KCNN2: variants seen among roughly 807,000 people sequenced by gnomAD.
The protein encoded by KCNN2 is potassium calcium-activated channel subfamily N member 2, also known as small conductance calcium-activated potassium channel protein 2.
A neutral mutation model predicts 55.5 loss-of-function variants in KCNN2; 24 were observed. The ratio of observed to expected loss-of-function variants is 0.43; its 90% CI spans 0.31 to 0.61. The LOEUF (loss-of-function observed/expected upper bound fraction) is 0.61. KCNN2 is among the 20% of genes least tolerant of loss of function. The pLI is 0.08. For missense variants in KCNN2, 754 were observed against 853.6 expected (o/e 0.88, Z 1.45); for synonymous variants, 431 against 336.1 (o/e 1.28, Z -3.09).
intron 1 of KCNN2, among the ~76,000 whole-genome samples, chr5:114,145,999 A>G (rs1350697190): frequency 6.6e-6 from 1 of 152,020 alleles, no homozygotes; most frequent in Non-Finnish European, 1.5e-5. Context: ...TGTTGCATGC[A>G]TCTTCAGGAC....
chr5:114,483,277 T>C (rs1392862367), intron 5 of KCNN2, among the ~76,000 whole-genome samples: 8 of 143,266 alleles, frequency 5.6e-5, no homozygotes, highest in African/African-American at 1.8e-4. Flanking sequence ...TTCTTTCTTT[T>C]TTTTTTTTTT....
At chr5:114,269,469 C>T (rs1300780531) in intron 2 of KCNN2, among the ~76,000 whole-genome samples, 1 of 149,248 alleles carries the variant, frequency 6.7e-6, no homozygotes, top group African/African-American at 2.5e-5. Flanking sequence ...GATTAAGTCA[C>T]AGGTTTTCTC....
At chr5:114,462,496 T>C (rs1349016095) in intron 3 of KCNN2, among the ~76,000 whole-genome samples, 1 of 152,094 alleles carries the variant, frequency 6.6e-6, no homozygotes, top group East Asian at 1.9e-4. Context: ...TCCCATGATC[T>C]AGGGATGTGC....
chr5:114,145,148 A>G (rs190678302), intron 1 of KCNN2, among the ~76,000 whole-genome samples: 1,670 of 152,328 alleles, frequency 0.011, 32 homozygotes, highest in African/African-American at 0.039. Context: ...ACTTAAAAGG[A>G]AAAAAGGAGT....
intron 2 of KCNN2, among the ~76,000 whole-genome samples, chr5:114,301,294 A>G (rs1036873346): frequency 1.3e-5 from 2 of 152,128 alleles, no homozygotes; most frequent in African/African-American, 2.4e-5. Context: ...TTATCTCACT[A>G]TGTCTTGTGA....
intron 1 of KCNN2, among the ~76,000 whole-genome samples, chr5:114,078,697 G>C (rs1465493304): frequency 6.6e-6 from 1 of 152,198 alleles, no homozygotes; most frequent in Non-Finnish European, 1.5e-5. Context: ...ATAAGGCTTA[G>C]AGGAATATTT....
At chr5:114,223,524 C>G (rs1754185639) in intron 2 of KCNN2, among the ~76,000 whole-genome samples, 2 of 151,976 alleles carry the variant, frequency 1.3e-5, no homozygotes, top group African/African-American at 4.8e-5. Flanking sequence ...CAGGAGTCTC[C>G]TTGGACATGC....
At chr5:114,375,381 C>T (rs1379490872) in intron 2 of KCNN2, among the ~76,000 whole-genome samples, 1 of 151,854 alleles carries the variant, frequency 6.6e-6, no homozygotes, top group African/African-American at 2.4e-5. Flanking sequence ...TAGGTAGGTA[C>T]CCAAGCAAAG....
At chr5:114,142,770 C>A (rs952823463) in intron 1 of KCNN2, among the ~76,000 whole-genome samples, 3 of 152,172 alleles carry the variant, frequency 2.0e-5, no homozygotes, top group African/African-American at 7.2e-5. Flanking sequence ...GAATCAATAT[C>A]GTGAAAATGG....
intron 2 of KCNN2, among the ~76,000 whole-genome samples, chr5:114,275,013 T>C (rs1170485402): frequency 1.3e-5 from 2 of 152,236 alleles, no homozygotes; most frequent in African/African-American, 2.4e-5. Flanking sequence ...GTTCCACTGA[T>C]ACCTAGTTTA....
At chr5:114,099,824 A>AT (rs1177849196) in intron 1 of KCNN2, among the ~76,000 whole-genome samples, 1 of 152,034 alleles carries the variant, frequency 6.6e-6, no homozygotes, top group Non-Finnish European at 1.5e-5. Flanking sequence ...ATTGATTTAT[A>AT]TTTTTGACAT....
chr5:114,101,944 T>A (rs1751381839), intron 1 of KCNN2, among the ~76,000 whole-genome samples: 1 of 152,316 alleles, frequency 6.6e-6, no homozygotes, highest in East Asian at 1.9e-4. Context: ...TTTGTGGATA[T>A]ACCCAGTAAT....
intron 1 of KCNN2, among the ~76,000 whole-genome samples, chr5:114,146,040 C>T (rs929413135): frequency 4.6e-5 from 7 of 152,068 alleles, no homozygotes; most frequent in South Asian, 2.1e-4. Flanking sequence ...GGAATGCAAA[C>T]AGGAGGTTGA....
chr5:114,296,165 T>G (rs1193009542), intron 2 of KCNN2, among the ~76,000 whole-genome samples: 1 of 152,214 alleles, frequency 6.6e-6, no homozygotes, highest in Non-Finnish European at 1.5e-5. Flanking sequence ...TGAAAAACAT[T>G]GTTCTAAGCC....
At chr5:114,076,520 T>C (rs940901844) in intron 1 of KCNN2, among the ~76,000 whole-genome samples, 1 of 152,162 alleles carries the variant, frequency 6.6e-6, no homozygotes, top group African/African-American at 2.4e-5. Context: ...ACAAAAAACT[T>C]ATGTCACTGG....
intron 2 of KCNN2, among the ~76,000 whole-genome samples, chr5:114,401,938 C>T (rs371657864): frequency 6.6e-6 from 1 of 152,128 alleles, no homozygotes; most frequent in East Asian, 1.9e-4. Context: ...TGGTGTTAAT[C>T]TTGAATTAAA....
chr5:114,176,184 A>G (rs998280213), intron 1 of KCNN2, among the ~76,000 whole-genome samples: 1 of 152,100 alleles, frequency 6.6e-6, no homozygotes, highest in East Asian at 1.9e-4. Context: ...ATGTTCCTTA[A>G]CCACACGATG....
chr5:114,341,177 G>A (rs2150036520), intron 2 of KCNN2, among the ~76,000 whole-genome samples: 1 of 152,268 alleles, frequency 6.6e-6, no homozygotes, highest in African/African-American at 2.4e-5. Context: ...TAAAAAGACT[G>A]ACTCTATATG....
chr5:114,335,174 C>T (rs899209111), intron 2 of KCNN2, among the ~76,000 whole-genome samples: 2 of 152,164 alleles, frequency 1.3e-5, no homozygotes, highest in Admixed American at 6.5e-5. Flanking sequence ...CCGCCAGTCT[C>T]AGCCTCCCAG....
Sources: gnomAD v4.1 joint callset for allele counts (sites outside exome capture counted in the v4.1 genomes callset) on GRCh38, gnomAD v4.1.1 for gene constraint, MANE v1.5 for transcripts, NCBI Gene and HGNC (gene_info 2026-07-23, HGNC 2026-07-21) for gene names.